The following SOBP variants were observed in gnomAD, a reference collection of about 807,000 sequenced individuals.
The protein encoded by SOBP is sine oculis binding protein homolog.
SOBP carries 4 observed loss-of-function variants against 53.6 expected under a neutral mutation model. The ratio of observed to expected loss-of-function variants is 0.07; its 90% CI spans 0.04 to 0.17. The LOEUF is 0.17. SOBP is among the 10% of genes least tolerant of loss of function. The pLI, the probability that SOBP is intolerant of heterozygous loss-of-function variation, is 1.00. For missense variants in SOBP, 1,088 were observed against 1,204.7 expected (o/e 0.90, Z 1.43); for synonymous variants, 584 against 522.6 (o/e 1.12, Z -1.60).
intron 4 of SOBP, among the ~76,000 whole-genome samples, chr6:107,543,356 T>C (rs1484797916): frequency 2.6e-5 from 4 of 152,204 alleles, no homozygotes; most frequent in Non-Finnish European, 1.5e-5. Flanking sequence ...TGACATCCTC[T>C]GGAATGAGTC....
chr6:107,540,093 T>G (rs904252064), intron 4 of SOBP, among the ~76,000 whole-genome samples: 1 of 152,240 alleles, frequency 6.6e-6, no homozygotes, highest in African/African-American at 2.4e-5. Context: ...TCTGAATAAG[T>G]GCAGGCATAA....
intron 4 of SOBP, among the ~76,000 whole-genome samples, chr6:107,585,393 G>C (rs1257314033): frequency 6.6e-6 from 1 of 152,120 alleles, no homozygotes; most frequent in Non-Finnish European, 1.5e-5. Flanking sequence ...TGCTGCCTTT[G>C]CCAGTTGGGA....
chr6:107,502,953 G>A (rs950106066), intron 1 of SOBP, among the ~76,000 whole-genome samples: 1 of 152,080 alleles, frequency 6.6e-6, no homozygotes, highest in Non-Finnish European at 1.5e-5. Context: ...TAGACAAGGG[G>A]TTTCACCATG....
intron 6 of SOBP, among the ~76,000 whole-genome samples, chr6:107,637,064 G>A (rs1771078371): frequency 6.6e-6 from 1 of 152,066 alleles, no homozygotes. Flanking sequence ...CCACCTCAGT[G>A]GGTAAAACAA....
chr6:107,625,994 A>C (rs780458465), intron 5 of SOBP, among the ~76,000 whole-genome samples: 1 of 152,236 alleles, frequency 6.6e-6, no homozygotes, highest in Non-Finnish European at 1.5e-5. Flanking sequence ...TTAAACTCTT[A>C]TAGTCACAAA....
intron 5 of SOBP, among the ~76,000 whole-genome samples, chr6:107,629,642 A>G (rs943885153): frequency 2.6e-5 from 4 of 152,252 alleles, no homozygotes; most frequent in Admixed American, 1.3e-4. Flanking sequence ...CGGCTTTCTT[A>G]TATCAGGAGC....
chr6:107,650,326 G>T (rs968454510), intron 6 of SOBP, among the ~76,000 whole-genome samples: 3 of 152,158 alleles, frequency 2.0e-5, no homozygotes, highest in Non-Finnish European at 2.9e-5. Flanking sequence ...CTATAGACTC[G>T]AAAGGAGAAG....
chr6:107,554,861 G>T (rs1025499646), intron 4 of SOBP, among the ~76,000 whole-genome samples: 2 of 152,198 alleles, frequency 1.3e-5, no homozygotes, highest in Non-Finnish European at 2.9e-5. Context: ...GGCTGGGATG[G>T]GGGGTGGGAG....
intron 4 of SOBP, among the ~76,000 whole-genome samples, chr6:107,580,403 C>T (rs1217153043): frequency 1.3e-5 from 2 of 152,154 alleles, no homozygotes; most frequent in African/African-American, 4.8e-5. Context: ...ACATTCCAGG[C>T]CTTGGCTTAA....
chr6:107,496,569 C>T lies in SOBP; in HGVS notation c.96+5857C>T, dbSNP rs570090838. ...TGAGTATTAGTGTTAATGATATGTCCTCTGCGTTAAAATCATTGTGTTGTG... is the reference window on the plus strand; with the variant it reads ...TGAGTATTAGTGTTAATGATATGTCTTCTGCGTTAAAATCATTGTGTTGTG... On this transcript the variant is annotated intron_variant, in intron 1 of 6. Transcript: ENST00000317357. Among the ~76,000 whole-genome samples the T allele has an allele frequency of 3.9e-5, 6 of 152,274 alleles. No homozygotes were observed. In the South Asian group the frequency reaches 8.3e-4, roughly 21 times the overall value.
intron 3 of SOBP, among the ~76,000 whole-genome samples, chr6:107,531,048 GGTCCAAGC>G (rs1423862699): frequency 6.6e-6 from 1 of 152,238 alleles, no homozygotes; most frequent in East Asian, 1.9e-4. Context: ...CTTCAGGCCA[GGTCCAAGC>G]TGCAAGCTAA....
chr6:107,634,080 C>T lies in SOBP; in HGVS notation c.1236C>T (p.Ile412=). 6.3e-7 allele frequency: 1 copy of T among 1,599,082 alleles called. No individual in the cohort carries two copies. Residue 412 remains isoleucine, a synonymous_variant, in exon 6 of 7, where the codon ATC becomes ATT. Coordinates refer to ENST00000317357, the MANE Select transcript of SOBP (RefSeq NM_018013.4). The surrounding 1 kb of genome is among the most constrained non-coding windows in gnomAD (Gnocchi z 4.5). ...QIMQQIRPPF[I]RGPPHHASNP... ...TGCAGCAGATCCGCCCGCCCTTCAT[C>T]CGCGGGCCTCCGCACCATGCCTCCA...
intron 5 of SOBP, among the ~76,000 whole-genome samples, chr6:107,596,118 C>G (rs1785938295): frequency 6.6e-6 from 1 of 152,168 alleles, no homozygotes; most frequent in South Asian, 2.1e-4. Flanking sequence ...AGAGCCTTGT[C>G]TCTCTCATTC....
chr6:107,524,481 G>A (rs1167397719), intron 3 of SOBP, among the ~76,000 whole-genome samples: 2 of 152,130 alleles, frequency 1.3e-5, no homozygotes, highest in Non-Finnish European at 2.9e-5. Context: ...TGAGCTATTT[G>A]GTCTGTATTA....
chr6:107,574,557 GC>G (rs955370875), intron 4 of SOBP, among the ~76,000 whole-genome samples: 11 of 152,152 alleles, frequency 7.2e-5, no homozygotes, highest in African/African-American at 2.4e-4. Flanking sequence ...AAATGAGTGA[GC>G]CCTCTGGTGA....
chr6:107,605,727 C>T (rs1265955595), intron 5 of SOBP, among the ~76,000 whole-genome samples: 2 of 152,180 alleles, frequency 1.3e-5, no homozygotes, highest in Admixed American at 6.5e-5. Flanking sequence ...GGCTGTGGCC[C>T]GTTCTTTCAT....
chr6:107,564,217 G>A (rs895493080), intron 4 of SOBP, among the ~76,000 whole-genome samples: 7 of 152,070 alleles, frequency 4.6e-5, no homozygotes, highest in African/African-American at 1.5e-4. Context: ...AATGTAATCT[G>A]GCCCTTCTAT....
At chr6:107,588,184 A>G (rs1428907414) in intron 5 of SOBP, among the ~76,000 whole-genome samples, 1 of 152,176 alleles carries the variant, frequency 6.6e-6, no homozygotes, top group Non-Finnish European at 1.5e-5. Flanking sequence ...TCCCACATGT[A>G]ACAGTCTTTG....
chr6:107,494,075 T>C (rs2114931828), intron 1 of SOBP, among the ~76,000 whole-genome samples: 1 of 152,374 alleles, frequency 6.6e-6, no homozygotes, highest in South Asian at 2.1e-4. Context: ...AGTGTTTCTT[T>C]ATCTTTCCTT....
Sources: allele counts gnomAD v4.1 joint callset (sites outside exome capture counted in the v4.1 genomes callset), GRCh38; gene constraint gnomAD v4.1.1; non-coding constraint Gnocchi (gnomAD v3.1); transcripts MANE v1.5; gene names NCBI Gene and HGNC (gene_info 2026-07-23, HGNC 2026-07-21).